Variants in FOXN3 observed in about 807,000 individuals in gnomAD.
FOXN3 encodes forkhead box protein N3.
Under a neutral mutation model 38.4 loss-of-function variants are expected in FOXN3, and 7 were observed. That is an observed-to-expected ratio of 0.18 (90% CI 0.10 to 0.34). FOXN3 has a LOEUF of 0.34. Ranked by LOEUF, FOXN3 falls within the 10% of genes least tolerant of loss-of-function variation. The pLI, the probability that FOXN3 is intolerant of heterozygous loss-of-function variation, is 1.00. For missense variants in FOXN3, 456 were observed against 613.4 expected (o/e 0.74, Z 2.71); for synonymous variants, 230 against 242.2 (o/e 0.95, Z 0.47).
At chr14:89,461,148 C>T (rs1010248451) in intron 1 of FOXN3, among the ~76,000 whole-genome samples, 3 of 151,840 alleles carry the variant, frequency 2.0e-5, no homozygotes, top group Non-Finnish European at 4.4e-5. Context: ...CATGGCCAAC[C>T]AACATGGTGA....
intron 4 of FOXN3, among the ~76,000 whole-genome samples, chr14:89,251,727 T>G (rs1244387105): frequency 6.6e-6 from 1 of 152,250 alleles, no homozygotes; most frequent in African/African-American, 2.4e-5. Flanking sequence ...TAAATTTATT[T>G]TCTTTGTACA....
intron 2 of FOXN3, among the ~76,000 whole-genome samples, chr14:89,399,127 T>C (rs759365): frequency 0.98 from 148,690 of 152,372 alleles, 72,677 homozygotes; most frequent in Middle Eastern, 1. Context: ...CTTGATCCGG[T>C]GCACAGGCCC....
intron 1 of FOXN3, among the ~76,000 whole-genome samples, chr14:89,534,796 T>C (rs556292836): frequency 1.1e-4 from 17 of 152,306 alleles, no homozygotes; most frequent in African/African-American, 3.6e-4. Flanking sequence ...ACGGATGCGC[T>C]AGGCGGTGGC....
At chr14:89,399,369 T>TC (rs1891187623) in intron 2 of FOXN3, among the ~76,000 whole-genome samples, 1 of 151,958 alleles carries the variant, frequency 6.6e-6, no homozygotes, top group Admixed American at 6.6e-5. Context: ...CTAGAACAGA[T>TC]CCTCAGAGAA....
At chr14:89,291,163 TG>T in intron 3 of FOXN3, 2 of 489,764 alleles carry the variant, frequency 4.1e-6, no homozygotes, top group Non-Finnish European at 4.1e-6. Flanking sequence ...GTACCCAAGT[TG>T]GGGGGCACAG....
intron 1 of FOXN3, among the ~76,000 whole-genome samples, chr14:89,500,602 C>A (rs546870183): frequency 1.3e-5 from 2 of 152,330 alleles, no homozygotes; most frequent in South Asian, 4.2e-4. Context: ...GTGCCCCTAT[C>A]CAACAGCATC....
chr14:89,348,666 C>T (rs4904552), intron 3 of FOXN3, among the ~76,000 whole-genome samples: 112,628 of 149,592 alleles, frequency 0.75, 42,312 homozygotes, highest in East Asian at 0.84. Flanking sequence ...GGTTTTTTTT[C>T]CCCCCTCAGT....
At chr14:89,334,945 T>C (rs1037033290) in intron 3 of FOXN3, among the ~76,000 whole-genome samples, 2 of 151,998 alleles carry the variant, frequency 1.3e-5, no homozygotes, top group African/African-American at 4.8e-5. Flanking sequence ...TTTTGTATTT[T>C]TAGTAGAGAT....
intron 3 of FOXN3, chr14:89,291,696 T>C (rs532178617): frequency 2.1e-5 from 8 of 384,544 alleles, no homozygotes; most frequent in Non-Finnish European, 4.0e-5. Flanking sequence ...TTAAATATAC[T>C]GAAGTTTCAT....
At chr14:89,334,547 T>C (rs997672283) in intron 3 of FOXN3, among the ~76,000 whole-genome samples, 1 of 151,100 alleles carries the variant, frequency 6.6e-6, no homozygotes, top group Non-Finnish European at 1.5e-5. Context: ...GAGGTGGAGA[T>C]TGCAGTGAGC....
intron 1 of FOXN3, among the ~76,000 whole-genome samples, chr14:89,542,254 C>G (rs1894803888): frequency 6.6e-6 from 1 of 152,172 alleles, no homozygotes; most frequent in Non-Finnish European, 1.5e-5. Context: ...ATCTTTAAAG[C>G]AAAATTAAGA....
intron 1 of FOXN3, among the ~76,000 whole-genome samples, chr14:89,545,155 C>T (rs1045536062): frequency 6.6e-6 from 1 of 152,212 alleles, no homozygotes; most frequent in African/African-American, 2.4e-5. Flanking sequence ...TACCTTCACA[C>T]CTGATGTCTA....
At chr14:89,585,607 C>T (rs1566709443) in intron 1 of FOXN3, among the ~76,000 whole-genome samples, 1 of 151,948 alleles carries the variant, frequency 6.6e-6, no homozygotes, top group African/African-American at 2.4e-5. Context: ...AGCTCCCTGC[C>T]CTGGCAGAGT....
chr14:89,538,888 G>A (rs977632867), intron 1 of FOXN3, among the ~76,000 whole-genome samples: 7 of 151,544 alleles, frequency 4.6e-5, no homozygotes, highest in South Asian at 2.1e-4. Context: ...CTGTCGCCCC[G>A]GCTGGAGTGC....
chr14:89,455,376 G>A (rs1352895588), intron 1 of FOXN3, among the ~76,000 whole-genome samples: 1 of 152,212 alleles, frequency 6.6e-6, no homozygotes, highest in African/African-American at 2.4e-5. Flanking sequence ...TACATTTTAG[G>A]TTCTCAGCTG....
At chr14:89,232,063 C>T (rs1029535190) in intron 4 of FOXN3, among the ~76,000 whole-genome samples, 15 of 152,268 alleles carry the variant, frequency 9.9e-5, no homozygotes, top group African/African-American at 2.2e-4. Context: ...GTTTCCTAAC[C>T]GAAACTGGGC....
At chr14:89,460,278 TA>T (rs1047214076) in intron 1 of FOXN3, among the ~76,000 whole-genome samples, 41 of 152,222 alleles carry the variant, frequency 2.7e-4, no homozygotes, top group East Asian at 9.7e-4. Flanking sequence ...GTGCTTCAAT[TA>T]AATGCGAACA....
intron 2 of FOXN3, among the ~76,000 whole-genome samples, chr14:89,390,224 TAAA>T (rs34247933): frequency 6.3e-5 from 9 of 141,808 alleles, no homozygotes; most frequent in African/African-American, 7.7e-5. Context: ...AGACTCCCTT[TAAA>T]AAAAAAAAAA....
At chr14:89,349,596 T>A (rs1386892858) in intron 3 of FOXN3, 1 of 152,672 alleles carries the variant, frequency 6.5e-6, no homozygotes, top group Non-Finnish European at 1.5e-5. Context: ...ATCACGCTAA[T>A]CGCCTAGCAA....
Sources: allele counts gnomAD v4.1 joint callset (sites outside exome capture counted in the v4.1 genomes callset), GRCh38; gene constraint gnomAD v4.1.1; transcripts MANE v1.5; gene names NCBI Gene and HGNC (gene_info 2026-07-23, HGNC 2026-07-21).